LTBP1: variants seen among roughly 807,000 people sequenced by gnomAD.
The protein encoded by LTBP1 is latent-transforming growth factor beta-binding protein 1.
Under a neutral mutation model 207.6 loss-of-function variants are expected in LTBP1, and 129 were observed. That is an observed-to-expected ratio of 0.62 (90% CI 0.54 to 0.72). The LOEUF (loss-of-function observed/expected upper bound fraction) is 0.72. LTBP1 is among the 30% of genes least tolerant of loss of function. The probability of loss-of-function intolerance (pLI) is 0.00; values close to 1 mark genes in which losing one functional copy is unlikely to be tolerated. For missense variants in LTBP1, 2,281 were observed against 2,217.2 expected (o/e 1.03, Z -0.58); for synonymous variants, 963 against 833.7 (o/e 1.16, Z -2.67).
intron 26 of LTBP1, among the ~76,000 whole-genome samples, chr2:33,353,641 T>C (rs934297024): frequency 1.3e-5 from 2 of 152,162 alleles, no homozygotes; most frequent in African/African-American, 4.8e-5. Context: ...AGGGGCACAC[T>C]TAAGTGGGGA....
At chr2:33,102,242 A>G (rs1395177412) in intron 3 of LTBP1, among the ~76,000 whole-genome samples, 1 of 152,072 alleles carries the variant, frequency 6.6e-6, no homozygotes, top group African/African-American at 2.4e-5. Flanking sequence ...CAACCATGGA[A>G]CTATTGATAT....
At chr2:33,333,492 CA>C (rs1559027529) in intron 24 of LTBP1, among the ~76,000 whole-genome samples, 1 of 152,014 alleles carries the variant, frequency 6.6e-6, no homozygotes, top group Non-Finnish European at 1.5e-5. Context: ...TGAATGACTC[CA>C]AAAATGCTCT....
In LTBP1 at chr2:33,365,355, C is replaced by G. The variant is rs763176710; in HGVS notation, c.4563C>G (p.Val1521=). 2 of 1,614,148 alleles carry G rather than the reference C, an allele frequency of 1.2e-6. No individual in the cohort carries two copies. ...CAGAACAAATAGAAGAAACTGATGTCTACCAAGATTTGTGCTGGGAACATC... is the reference window on the plus strand; with the variant it reads ...CAGAACAAATAGAAGAAACTGATGTGTACCAAGATTTGTGCTGGGAACATC... ...ESNEQIEETD[V]YQDLCWEHLS... Residue 1521 remains valine (V), a synonymous_variant, in exon 31 of 34, where the codon GTC becomes GTG. Coordinates refer to ENST00000404816, the MANE Select transcript of LTBP1 (RefSeq NM_206943.4).
chr2:33,138,054 C>G (rs1339902698), intron 5 of LTBP1, among the ~76,000 whole-genome samples: 2 of 152,046 alleles, frequency 1.3e-5, no homozygotes, highest in Admixed American at 6.6e-5. Flanking sequence ...CAGCTCACCT[C>G]CTCCACACAG....
intron 33 of LTBP1, 113 bp downstream of exon 33, chr2:33,397,395 A>C: frequency 1.7e-6 from 2 of 1,201,416 alleles, no homozygotes; most frequent in Admixed American, 2.0e-5. Flanking sequence ...GAAGATGAGA[A>C]AAGTTCTGGA....
At chr2:33,106,591 C>T (rs1275424444) in intron 3 of LTBP1, among the ~76,000 whole-genome samples, 3 of 151,640 alleles carry the variant, frequency 2.0e-5, no homozygotes, top group African/African-American at 4.8e-5. Flanking sequence ...ATGAGCAGTA[C>T]TATTTTGAAA....
intron 3 of LTBP1, among the ~76,000 whole-genome samples, chr2:33,060,706 C>A (rs2077226980): frequency 6.6e-6 from 1 of 150,866 alleles, no homozygotes; most frequent in East Asian, 1.9e-4. Context: ...TCATGGCTAA[C>A]TGTGGTCTTT....
chr2:33,257,076 G>GT (rs1236641534), intron 11 of LTBP1, among the ~76,000 whole-genome samples: 1 of 151,350 alleles, frequency 6.6e-6, no homozygotes, highest in East Asian at 1.9e-4. Context: ...AAAATGTTTA[G>GT]TAAAAAAAAA....
intron 21 of LTBP1, 120 bp from the exon 22 acceptor site, chr2:33,301,402 T>C: frequency 8.4e-7 from 1 of 1,194,028 alleles, no homozygotes; most frequent in Admixed American, 2.6e-5. Flanking sequence ...CGACAATACA[T>C]GATGGTCATT....
rs754568742 is a variant in LTBP1 at position 33,217,695 on chromosome 2, A to G, written c.1804+41A>G. The G allele has an allele frequency of 3.1e-5, 44 of 1,425,710 alleles. 2 individuals are homozygous for G. In the South Asian group the frequency reaches 3.3e-4, roughly 11 times the overall value. 88.3% of individuals were successfully genotyped at this position (1,425,710 alleles called of 1,614,324 possible). ...TCACTCCTTTGCAGGTTAATGTAGC[A>G]TATCTGTTTTTTATGATTACTCCTT... On this transcript the variant is annotated intron_variant, in intron 8 of 33. Transcript: ENST00000404816.
chr2:33,257,514 G>A lies in LTBP1; in HGVS notation c.2395+3G>A. ...GCCAGGAGTGGCGGAGCCAGAAGGT[G>A]AGAGCGGTAATGGATCATGGACTCT... On this transcript the variant is annotated splice_donor_region_variant and intron_variant, in intron 12 of 33. Coordinates refer to ENST00000404816, the MANE Select transcript of LTBP1 (RefSeq NM_206943.4). 6.2e-7 allele frequency: 1 copy of A among 1,612,600 alleles called. No homozygotes were observed. The highest frequency in any genetic ancestry group is 8.5e-7 in the Non-Finnish European group (1 of 1,178,658).
intron 19 of LTBP1, among the ~76,000 whole-genome samples, chr2:33,290,926 T>TA (rs1165206194): frequency 1.3e-5 from 2 of 152,368 alleles, no homozygotes; most frequent in African/African-American, 4.8e-5. Flanking sequence ...GAATTAATTT[T>TA]ACACCATTTG....
intron 3 of LTBP1, among the ~76,000 whole-genome samples, chr2:33,065,197 CTG>C (rs1244271138): frequency 6.6e-6 from 1 of 151,994 alleles, no homozygotes; most frequent in East Asian, 1.9e-4. Context: ...TTCCTTTATT[CTG>C]TCAGTATGGT....
intron 32 of LTBP1, among the ~76,000 whole-genome samples, chr2:33,395,312 A>G (rs2095349047): frequency 6.6e-6 from 1 of 152,164 alleles, no homozygotes. Context: ...CACAAAATAA[A>G]CCTATAACTG....
At chr2:33,117,787 G>T (rs2080843342) in intron 4 of LTBP1, among the ~76,000 whole-genome samples, 1 of 152,154 alleles carries the variant, frequency 6.6e-6, no homozygotes, top group African/African-American at 2.4e-5. Context: ...CTGGATAAAG[G>T]CAGATATAGT....
intron 9 of LTBP1, among the ~76,000 whole-genome samples, chr2:33,242,003 G>A (rs1234457021): frequency 2.6e-5 from 4 of 152,144 alleles, no homozygotes; most frequent in East Asian, 1.9e-4. Flanking sequence ...TTCCAGCTAC[G>A]TGCAAGTTGG....
intron 5 of LTBP1, among the ~76,000 whole-genome samples, chr2:33,186,101 A>T (rs920281207): frequency 2.0e-5 from 3 of 152,310 alleles, no homozygotes; most frequent in African/African-American, 7.2e-5. Flanking sequence ...CTTCACTGAG[A>T]TCTTGTTACA....
chr2:33,123,204 A>G (rs1231841935), intron 4 of LTBP1, among the ~76,000 whole-genome samples: 1 of 152,174 alleles, frequency 6.6e-6, no homozygotes, highest in Non-Finnish European at 1.5e-5. Flanking sequence ...GCGGGTTACT[A>G]GGACCTGATG....
chr2:33,289,312 T>C (rs2093728427), intron 19 of LTBP1, among the ~76,000 whole-genome samples: 1 of 152,252 alleles, frequency 6.6e-6, no homozygotes, highest in Admixed American at 6.5e-5. Context: ...AATTGTTATG[T>C]CTCAAAAGCC....
Sources: gnomAD v4.1 joint callset for allele counts (sites outside exome capture counted in the v4.1 genomes callset) on GRCh38, gnomAD v4.1.1 for gene constraint, MANE v1.5 for transcripts, NCBI Gene and HGNC (gene_info 2026-07-23, HGNC 2026-07-21) for gene names.